The following FHOD3 variants were observed in gnomAD, a reference collection of about 807,000 sequenced individuals.
The protein encoded by FHOD3 is FH1/FH2 domain-containing protein 3.
In FHOD3, 90 loss-of-function variants were observed where a neutral mutation model predicts 173.0. The observed-to-expected ratio is 0.52, with a 90% CI of 0.44 to 0.62. FHOD3 has a LOEUF of 0.62. Among genes scored for constraint, FHOD3 ranks in the 20% least tolerant of loss-of-function variants. FHOD3 has a pLI of 0.00. For synonymous variants in FHOD3, 828 were observed against 823.0 expected, an observed-to-expected ratio of 1.01 and a Z score of -0.10; for missense variants, 1,945 against 2,034.7, an observed-to-expected ratio of 0.96 and a Z score of 0.85.
intron 11 of FHOD3, among the ~76,000 whole-genome samples, chr18:36,651,385 A>T (rs1304614461): frequency 6.6e-6 from 1 of 152,214 alleles, no homozygotes; most frequent in Non-Finnish European, 1.5e-5. Flanking sequence ...TAAAATATCC[A>T]AGGGTCTAAA....
intron 17 of FHOD3, among the ~76,000 whole-genome samples, chr18:36,702,232 C>G (rs540845939): frequency 1.3e-5 from 2 of 152,224 alleles, no homozygotes; most frequent in South Asian, 4.1e-4. Flanking sequence ...GGTGCTGAAG[C>G]CTCTAGTGAG....
intron 23 of FHOD3, 100 bp from the exon 24 acceptor site, chr18:36,746,845 C>T (rs933487181): frequency 2.0e-5 from 16 of 797,632 alleles, no homozygotes; most frequent in African/African-American, 3.5e-5. Flanking sequence ...ATGTGAATTT[C>T]GTTTTGATGT....
In FHOD3 at chr18:36,693,277, G is replaced by A. The variant is rs553341694; in HGVS notation, c.2090G>A (p.Arg697Gln). 56 of 1,613,808 alleles carry A rather than the reference G, an allele frequency of 3.5e-5. No individual in the cohort carries two copies. In the East Asian group the frequency reaches 8.2e-4, roughly 24 times the overall value. Residue 697 changes from arginine (R) to glutamine (Q), a missense_variant, in exon 17 of 29, where the codon CGG (arginine) becomes CAG (glutamine). This residue lies in a region of FHOD3 where 1,099 missense variants were observed against 1,051.2 expected (regional missense o/e 1.05). Coordinates refer to ENST00000590592, the MANE Select transcript of FHOD3 (RefSeq NM_001281740.3). ...EKELRSRSVS[R>Q]GRADLSLDLT... ...GAGCTGAGAAGCCGGAGTGTGAGCC[G>A]GGGCAGAGCCGACCTCTCCTTGGAC...
At chr18:36,485,053 T>TG (rs1156784547) in intron 3 of FHOD3, among the ~76,000 whole-genome samples, 3 of 152,034 alleles carry the variant, frequency 2.0e-5, no homozygotes, top group Non-Finnish European at 2.9e-5. Flanking sequence ...GGGAAGGAGT[T>TG]GGGGTGTGGG....
chr18:36,724,224 C>T (rs2040934808), intron 19 of FHOD3, among the ~76,000 whole-genome samples: 1 of 152,260 alleles, frequency 6.6e-6, no homozygotes, highest in African/African-American at 2.4e-5. Flanking sequence ...CCTGGGTAGA[C>T]TTGTGGCTCT....
intron 3 of FHOD3, among the ~76,000 whole-genome samples, chr18:36,446,020 C>A (rs567738356): frequency 6.6e-6 from 1 of 152,322 alleles, no homozygotes; most frequent in East Asian, 1.9e-4. Context: ...TGAATGGATT[C>A]CCTGGCCCCT....
chr18:36,387,544 T>C (rs1273079265), intron 3 of FHOD3, among the ~76,000 whole-genome samples: 1 of 152,226 alleles, frequency 6.6e-6, no homozygotes, highest in Non-Finnish European at 1.5e-5. Context: ...TCTGTGGGTG[T>C]AACTATTATG....
chr18:36,465,368 C>G (rs1026611004), intron 3 of FHOD3, among the ~76,000 whole-genome samples: 2 of 152,130 alleles, frequency 1.3e-5, no homozygotes, highest in African/African-American at 4.8e-5. Context: ...CTAAGAGGAG[C>G]ACAAGCAATG....
intron 10 of FHOD3, among the ~76,000 whole-genome samples, chr18:36,639,642 G>A (rs1460153638): frequency 7.1e-6 from 1 of 139,994 alleles, no homozygotes; most frequent in Non-Finnish European, 1.5e-5. Context: ...CAGCCTGGGC[G>A]ACAGAGCGAG....
chr18:36,564,062 C>T (rs1380479084), intron 5 of FHOD3, among the ~76,000 whole-genome samples: 3 of 152,084 alleles, frequency 2.0e-5, no homozygotes, highest in Admixed American at 6.6e-5. Flanking sequence ...GTTCATTGGC[C>T]AAGCCCTTGT....
chr18:36,518,525 C>T (rs1328504611), intron 5 of FHOD3, among the ~76,000 whole-genome samples: 1 of 152,142 alleles, frequency 6.6e-6, no homozygotes. Context: ...TACAACAGGA[C>T]TATTTCCAAT....
chr18:36,707,337 G>T (rs1048770969), intron 17 of FHOD3, among the ~76,000 whole-genome samples: 2 of 152,134 alleles, frequency 1.3e-5, no homozygotes, highest in African/African-American at 4.8e-5. Context: ...TCCTGCCCCA[G>T]GCTGGAGTTC....
intron 3 of FHOD3, among the ~76,000 whole-genome samples, chr18:36,434,119 G>A (rs1247681639): frequency 6.6e-6 from 1 of 152,088 alleles, no homozygotes; most frequent in African/African-American, 2.4e-5. Context: ...TATTCACTGT[G>A]TACTCTTTTA....
intron 14 of FHOD3, among the ~76,000 whole-genome samples, chr18:36,676,073 T>G (rs1296248442): frequency 6.6e-6 from 1 of 152,226 alleles, no homozygotes; most frequent in Non-Finnish European, 1.5e-5. Context: ...AAATTTTAGA[T>G]AAATCTAGAA....
intron 3 of FHOD3, among the ~76,000 whole-genome samples, chr18:36,424,537 A>G (rs1413382694): frequency 6.6e-6 from 1 of 152,192 alleles, no homozygotes; most frequent in Non-Finnish European, 1.5e-5. Flanking sequence ...TGGTGTCCTC[A>G]GCACCTAGAA....
At chr18:36,768,154 G>A (rs534253585) in intron 27 of FHOD3, among the ~76,000 whole-genome samples, 29 of 152,338 alleles carry the variant, frequency 1.9e-4, no homozygotes, top group African/African-American at 7.0e-4. Flanking sequence ...AAAATGAAGT[G>A]TAGATGGTAG....
At chr18:36,689,689 G>A (rs2038841588) in intron 16 of FHOD3, among the ~76,000 whole-genome samples, 1 of 152,192 alleles carries the variant, frequency 6.6e-6, no homozygotes, top group Non-Finnish European at 1.5e-5. Context: ...CTGGGGGTGT[G>A]TTGTGGGGTA....
At chr18:36,666,020 G>T (rs780082964) in intron 14 of FHOD3, among the ~76,000 whole-genome samples, 51 of 152,226 alleles carry the variant, frequency 3.4e-4, no homozygotes, top group Non-Finnish European at 6.8e-4. Flanking sequence ...CAAAGTCAGG[G>T]CCTACAAAGG....
At chr18:36,645,207 G>T (rs1370569473) in intron 10 of FHOD3, among the ~76,000 whole-genome samples, 1 of 134,120 alleles carries the variant, frequency 7.5e-6, no homozygotes. Flanking sequence ...GATCACTTGA[G>T]GTTAGGAGTT....
Sources: allele counts gnomAD v4.1 joint callset (sites outside exome capture counted in the v4.1 genomes callset), GRCh38; gene constraint gnomAD v4.1.1; regional missense constraint gnomAD v4.1.1; transcripts MANE v1.5; gene names NCBI Gene and HGNC (gene_info 2026-07-23, HGNC 2026-07-21).